Variants in LRCH2 observed in about 807,000 individuals in gnomAD.
LRCH2 encodes leucine-rich repeat and calponin homology domain-containing protein 2.
In LRCH2, 38 loss-of-function variants were observed where a neutral mutation model predicts 68.9. The ratio of observed to expected loss-of-function variants is 0.55; its 90% CI spans 0.43 to 0.72. LRCH2 has a LOEUF of 0.72. Among genes scored for constraint, LRCH2 ranks in the 30% least tolerant of loss-of-function variants. The probability of loss-of-function intolerance (pLI) is 0.00; values close to 1 mark genes in which losing one functional copy is unlikely to be tolerated. For missense variants in LRCH2, 528 were observed against 572.9 expected, an observed-to-expected ratio of 0.92 and a Z score of 0.80; for synonymous variants, 191 against 208.1, an observed-to-expected ratio of 0.92 and a Z score of 0.71.
rs782028693 is a variant in LRCH2 at position 115,114,470 on chromosome X, T to C, written c.2179-1135A>G. On this transcript the variant is annotated intron_variant, in intron 20 of 20. Coordinates refer to ENST00000317135, the MANE Select transcript of LRCH2 (RefSeq NM_020871.4). The stretch of plus-strand genomic sequence containing the variant: ...GCAAATTAAACCAATGGCAAAAGAA[T>C]GGTGCAAATAATGAGAATGAGAGAG... 4.5e-5 allele frequency among the ~76,000 whole-genome samples: 5 copies of C among 110,216 alleles called. No homozygotes were observed. In the South Asian group the frequency reaches 1.5e-3, roughly 33 times the overall value.
intron 11 of LRCH2, among the ~76,000 whole-genome samples, chrX:115,159,606 T>C (rs6644194): frequency 0.074 from 8,011 of 108,529 alleles, 292 homozygotes; most frequent in Non-Finnish European, 0.1. Context: ...AAACAATTAG[T>C]CGGGCGTGGT....
chrX:115,118,833 C>A (rs1415083678), intron 20 of LRCH2, among the ~76,000 whole-genome samples: 3 of 110,317 alleles, frequency 2.7e-5, no homozygotes, highest in Non-Finnish European at 5.7e-5. Flanking sequence ...ATCAAGTGGG[C>A]TTCATCCCTG....
chrX:115,140,000 G>C (rs1556533565), intron 14 of LRCH2, among the ~76,000 whole-genome samples: 7 of 111,375 alleles, frequency 6.3e-5, no homozygotes. Flanking sequence ...GGTGGCATGT[G>C]ACTTAGGGAG....
rs191280285 is a variant in LRCH2, at chrX:115,123,248, T to C, written c.1850-56A>G. On this transcript the variant is annotated intron_variant, in intron 17 of 20. Transcript: ENST00000317135. Reference sequence around the variant, plus strand: ...CAAAGTTAATGGGAAGGAGCAACTATTGATGGGGAAAGAGGCATGATGAAT... The same window carrying C: ...CAAAGTTAATGGGAAGGAGCAACTACTGATGGGGAAAGAGGCATGATGAAT... 230 of 898,917 alleles carry C rather than the reference T, an allele frequency of 2.6e-4. No homozygotes were observed. The African/African-American group carries it at 4.0e-3, about 16-fold the overall frequency. The allele number at this position is 898,917 out of a possible 1,213,427, so 74.1% of individuals were successfully genotyped here.
chrX:115,200,361 GATAA>G (rs1369740875), intron 1 of LRCH2, among the ~76,000 whole-genome samples: 2 of 110,612 alleles, frequency 1.8e-5, no homozygotes, highest in African/African-American at 3.3e-5. Context: ...TCTTCAAAAA[GATAA>G]ATAAATCTGA....
intron 1 of LRCH2, chrX:115,191,957 G>T: frequency 8.6e-7 from 1 of 1,166,433 alleles, no homozygotes; most frequent in Non-Finnish European, 1.1e-6. Flanking sequence ...AACGCCTACA[G>T]TGGGGGCCGT....
intron 1 of LRCH2, among the ~76,000 whole-genome samples, chrX:115,206,425 A>C (rs1259388015): frequency 8.9e-6 from 1 of 112,026 alleles, no homozygotes; most frequent in East Asian, 2.8e-4. Context: ...TACCGGAATG[A>C]GGGCAAGGAA....
At chrX:115,193,589 A>C (rs1340268649) in intron 1 of LRCH2, among the ~76,000 whole-genome samples, 2 of 112,149 alleles carry the variant, frequency 1.8e-5, no homozygotes, top group Non-Finnish European at 3.8e-5. Context: ...CATTACTCCT[A>C]TTAAGGGTTT....
Position 115,112,872 on chromosome X carries a change from G to T in LRCH2, c.*344C>A, listed in dbSNP as rs1012186287. 5 of 122,337 alleles carry T rather than the reference G, an allele frequency of 4.1e-5. No individual in the cohort carries two copies. The highest frequency in any genetic ancestry group is 8.3e-5 in the Non-Finnish European group (5 of 60,248). The allele number at this position is 122,337 out of a possible 1,213,427, so 10.1% of individuals were successfully genotyped here. A position where few individuals can be genotyped will look rare whatever the true frequency, so the allele number is the denominator to read the frequency against. On this transcript the variant is annotated 3_prime_UTR_variant, in exon 21 of 21. Transcript: ENST00000317135. ...CCTTTATCCAGATGTTTACTAATAT[G>T]CTATGATGTAAAAAAATTAAACCTA...
intron 14 of LRCH2, among the ~76,000 whole-genome samples, chrX:115,140,433 C>T (rs1421621884): frequency 9.0e-6 from 1 of 110,841 alleles, no homozygotes; most frequent in African/African-American, 3.3e-5. Context: ...AGCACAAAAC[C>T]AGATGTCGTG....
intron 1 of LRCH2, among the ~76,000 whole-genome samples, chrX:115,195,133 A>G (rs2072877813): frequency 9.1e-6 from 1 of 110,150 alleles, no homozygotes; most frequent in African/African-American, 3.3e-5. Context: ...AAAATACAAA[A>G]ATTAGCCAGA....
intron 1 of LRCH2, among the ~76,000 whole-genome samples, chrX:115,221,157 A>G (rs1277793901): frequency 1.2e-5 from 1 of 85,902 alleles, no homozygotes; most frequent in African/African-American, 4.6e-5. Flanking sequence ...AGTCTGGGCA[A>G]CAGAGCAAGA....
At chrX:115,119,215 G>C (rs782606306) in intron 20 of LRCH2, among the ~76,000 whole-genome samples, 12 of 110,102 alleles carry the variant, frequency 1.1e-4, no homozygotes, top group African/African-American at 4.0e-4. Context: ...ATTAGGAAAA[G>C]AGGAAGTCAA....
chrX:115,192,631 C>G (rs201685275), intron 1 of LRCH2: 2 of 1,169,318 alleles, frequency 1.7e-6, no homozygotes, highest in Non-Finnish European at 2.3e-6. Flanking sequence ...GGGGGAAGGC[C>G]GGAGCAGATA....
In LRCH2 at chrX:115,179,459, C is replaced by A. The variant is rs1556551783; in HGVS notation, c.832G>T (p.Asp278Tyr). 1 of 1,140,828 alleles carries A rather than the reference C, an allele frequency of 8.8e-7. No individual in the cohort carries two copies. Among genetic ancestry groups the A allele is most frequent in the Non-Finnish European group, 1.2e-6 (1 of 861,062 alleles). 94.0% of individuals were successfully genotyped at this position (1,140,828 alleles called of 1,213,427 possible). ...GGTGGTACTTGCAATGGATTGTTAT[C>A]CAAAATTATTACTTGTAAATGATGC... is the stretch of plus-strand genomic sequence containing the variant. The part of the protein sequence containing the change: ...KLHHLQVIIL[D>Y]NNPLQVPPAQ... The change falls in exon 5 of 21, where the codon GAT becomes TAT. Residue 278 changes from aspartate (D) to tyrosine (Y), a missense_variant. Coordinates refer to ENST00000317135, the MANE Select transcript of LRCH2 (RefSeq NM_020871.4).
At chrX:115,178,950 G>C (rs146234923) in intron 5 of LRCH2, among the ~76,000 whole-genome samples, 2 of 111,883 alleles carry the variant, frequency 1.8e-5, no homozygotes, top group East Asian at 5.6e-4. Flanking sequence ...GTCCATAGGG[G>C]ATTATATCAT....
rs1556537885 is a variant in LRCH2, at chrX:115,150,027, A to G, written c.1573T>C (p.Trp525Arg). The change falls in exon 13 of 21, where the codon TGG becomes CGG. Residue 525 changes from tryptophan (W) to arginine (R), a missense_variant. Coordinates refer to ENST00000317135, the MANE Select transcript of LRCH2 (RefSeq NM_020871.4). ...EVNSPLSPLT[W>R]QPLENQKDQI... ...GTAATTTAATTTCTTCTTACCTGCCAGGTGAGGGGTGATAATGGTGAATTA... is the reference window on the plus strand; with the variant it reads ...GTAATTTAATTTCTTCTTACCTGCCGGGTGAGGGGTGATAATGGTGAATTA... 1 of 1,171,508 alleles carries G rather than the reference A, an allele frequency of 8.5e-7. No individual in the cohort carries two copies. The highest frequency in any genetic ancestry group is 2.4e-5 in the Admixed American group (1 of 42,195).
intron 14 of LRCH2, among the ~76,000 whole-genome samples, chrX:115,149,189 T>C (rs782733596): frequency 8.9e-6 from 1 of 111,762 alleles, no homozygotes; most frequent in South Asian, 3.7e-4. Context: ...TAGTATTGAA[T>C]ATTATTCTGA....
chrX:115,192,395 A>C, intron 1 of LRCH2: 1 of 1,166,468 alleles, frequency 8.6e-7, no homozygotes, highest in Admixed American at 2.6e-5. Context: ...CACTACGAGG[A>C]GTACCAGGGC....
Sources: gnomAD v4.1 joint callset for allele counts (sites outside exome capture counted in the v4.1 genomes callset) on GRCh38, gnomAD v4.1.1 for gene constraint, MANE v1.5 for transcripts, NCBI Gene and HGNC (gene_info 2026-07-23, HGNC 2026-07-21) for gene names.